Variants in ESRRG observed in about 807,000 individuals in gnomAD.
ESRRG encodes the protein estrogen-related receptor gamma.
In ESRRG, 13 loss-of-function variants were observed where a neutral mutation model predicts 44.0. That is an observed-to-expected ratio of 0.30 (90% CI 0.19 to 0.47). The LOEUF (loss-of-function observed/expected upper bound fraction) is 0.47. Among genes scored for constraint, ESRRG ranks in the 20% least tolerant of loss-of-function variants. The pLI is 1.00. For missense variants in ESRRG, 395 were observed against 580.6 expected (o/e 0.68, Z 3.29); for synonymous variants, 215 against 214.6 (o/e 1.00, Z -0.02).
chr1:217,045,051 C>T (rs1218097301), intron 1 of ESRRG, among the ~76,000 whole-genome samples: 2 of 152,188 alleles, frequency 1.3e-5, no homozygotes, highest in Admixed American at 6.5e-5. Context: ...TCTCCAGAAG[C>T]ACACCTGGTT....
intron 1 of ESRRG, among the ~76,000 whole-genome samples, chr1:217,054,569 G>A (rs1201380222): frequency 1.3e-5 from 2 of 152,104 alleles, no homozygotes; most frequent in African/African-American, 4.8e-5. Context: ...TCTTCTAATG[G>A]AAGAAAAACA....
intron 1 of ESRRG, among the ~76,000 whole-genome samples, chr1:217,133,809 A>T (rs923306016): frequency 2.4e-4 from 36 of 151,926 alleles, no homozygotes; most frequent in Non-Finnish European, 3.2e-4. Flanking sequence ...ATCAACAGCT[A>T]AGATAAACCC....
At chr1:216,803,919 C>T (rs1381326336) in intron 2 of ESRRG, among the ~76,000 whole-genome samples, 2 of 152,018 alleles carry the variant, frequency 1.3e-5, no homozygotes, top group Non-Finnish European at 2.9e-5. Flanking sequence ...TAGGGCAAAG[C>T]CTACTCACAT....
chr1:216,643,551 G>A (rs899426174), intron 3 of ESRRG, among the ~76,000 whole-genome samples: 18 of 152,266 alleles, frequency 1.2e-4, no homozygotes, highest in South Asian at 2.1e-4. Context: ...CAAAAATGGC[G>A]TGACCCTTTT....
At chr1:216,514,295 C>T (rs755038984) in intron 6 of ESRRG, among the ~76,000 whole-genome samples, 11 of 152,044 alleles carry the variant, frequency 7.2e-5, no homozygotes, top group African/African-American at 2.4e-4. Flanking sequence ...TGAATAAAAA[C>T]CAATGAAAAG....
intron 3 of ESRRG, among the ~76,000 whole-genome samples, chr1:216,637,559 C>T (rs1336582412): frequency 1.3e-5 from 2 of 152,102 alleles, no homozygotes; most frequent in Non-Finnish European, 2.9e-5. Context: ...AAGAGAAGAA[C>T]CAAAAGACAT....
intron 1 of ESRRG, among the ~76,000 whole-genome samples, chr1:217,006,124 A>T (rs796584692): frequency 4.5e-4 from 68 of 152,298 alleles, no homozygotes; most frequent in African/African-American, 1.6e-3. Context: ...TTGGCTTATT[A>T]TCAGACTTCT....
At chr1:216,617,967 A>T (rs1212083773) in intron 3 of ESRRG, among the ~76,000 whole-genome samples, 2 of 152,200 alleles carry the variant, frequency 1.3e-5, no homozygotes, top group African/African-American at 4.8e-5. Flanking sequence ...GATGGCATGA[A>T]TATTTTACGG....
At chr1:216,933,699 A>G (rs2063696896) in intron 2 of ESRRG, among the ~76,000 whole-genome samples, 1 of 152,232 alleles carries the variant, frequency 6.6e-6, no homozygotes, top group South Asian at 2.1e-4. Flanking sequence ...TTATATGTTC[A>G]TATCATTCAA....
intron 2 of ESRRG, among the ~76,000 whole-genome samples, chr1:216,753,830 G>C (rs898071565): frequency 6.6e-6 from 1 of 152,026 alleles, no homozygotes; most frequent in Non-Finnish European, 1.5e-5. Context: ...TATAACAGGA[G>C]GGAGGAGGTG....
At chr1:216,624,025 A>G (rs1176960135) in intron 3 of ESRRG, among the ~76,000 whole-genome samples, 3 of 152,134 alleles carry the variant, frequency 2.0e-5, no homozygotes, top group Non-Finnish European at 4.4e-5. Context: ...AAAGATCTGG[A>G]ACACTCTCTT....
intron 2 of ESRRG, among the ~76,000 whole-genome samples, chr1:216,738,969 G>A (rs949600021): frequency 6.6e-6 from 1 of 152,090 alleles, no homozygotes; most frequent in South Asian, 2.1e-4. Flanking sequence ...TACCACCTTA[G>A]CCTCTCAAAG....
chr1:216,569,898 T>C (rs1481573903), intron 3 of ESRRG, among the ~76,000 whole-genome samples: 2 of 152,170 alleles, frequency 1.3e-5, no homozygotes, highest in Admixed American at 1.3e-4. Context: ...ACATGCAGTG[T>C]TTTGCAAACC....
chr1:216,786,681 TACA>T (rs761115807), intron 2 of ESRRG, among the ~76,000 whole-genome samples: 4 of 152,302 alleles, frequency 2.6e-5, no homozygotes, highest in East Asian at 1.9e-4. Context: ...CGGGCTATAT[TACA>T]ACGAGTACAT....
chr1:217,064,370 C>CAT (rs549152056), intron 1 of ESRRG, among the ~76,000 whole-genome samples: 2 of 151,940 alleles, frequency 1.3e-5, no homozygotes, highest in Non-Finnish European at 2.9e-5. Flanking sequence ...TATACACACA[C>CAT]ATATATATAA....
At chr1:216,703,930 G>T (rs1377276851) in intron 1 of ESRRG, among the ~76,000 whole-genome samples, 1 of 152,062 alleles carries the variant, frequency 6.6e-6, no homozygotes, top group African/African-American at 2.4e-5. Context: ...GCTGGAAAAT[G>T]GTTTTAAATG....
intron 2 of ESRRG, among the ~76,000 whole-genome samples, chr1:216,886,215 T>C (rs931495266): frequency 6.6e-6 from 1 of 152,184 alleles, no homozygotes; most frequent in Non-Finnish European, 1.5e-5. Context: ...CCACTTCATT[T>C]TACATTTCAC....
chr1:217,129,172 C>T (rs766389853), intron 1 of ESRRG, among the ~76,000 whole-genome samples: 2 of 152,140 alleles, frequency 1.3e-5, no homozygotes, highest in Non-Finnish European at 2.9e-5. Context: ...ATTTAAAAAT[C>T]GTCAAGACTC....
intron 2 of ESRRG, among the ~76,000 whole-genome samples, chr1:216,818,203 T>C (rs920544648): frequency 7.9e-5 from 12 of 152,302 alleles, no homozygotes; most frequent in African/African-American, 2.6e-4. Context: ...GTTGTCATTA[T>C]TGATGGGGGG....
Sources: gnomAD v4.1 joint callset for allele counts (sites outside exome capture counted in the v4.1 genomes callset) on GRCh38, gnomAD v4.1.1 for gene constraint, MANE v1.5 for transcripts, NCBI Gene and HGNC (gene_info 2026-07-23, HGNC 2026-07-21) for gene names.